The following WSB1 variants were observed in gnomAD, a reference collection of about 807,000 sequenced individuals.
The protein encoded by WSB1 is WD repeat and SOCS box-containing protein 1.
WSB1 carries 23 observed loss-of-function variants against 50.2 expected under a neutral mutation model. The observed-to-expected ratio is 0.46, with a 90% CI of 0.33 to 0.65. WSB1 has a LOEUF of 0.65. WSB1 is among the 30% of genes least tolerant of loss of function. The pLI is 0.02. For synonymous variants in WSB1, 179 were observed against 172.0 expected (o/e 1.04, Z -0.32); for missense variants, 492 against 522.3 (o/e 0.94, Z 0.56).
rs113920041 is a variant in WSB1 at position 27,312,642 on chromosome 17, A to G, written c.*273A>G. The G allele has an allele frequency of 3.1e-6, 1 of 322,810 alleles. No homozygotes were observed. Among genetic ancestry groups the G allele is most frequent in the Non-Finnish European group, 5.6e-6 (1 of 178,878 alleles). The allele number at this position is 322,810 out of a possible 1,614,324, so 20.0% of individuals were successfully genotyped here. A position where few individuals can be genotyped will look rare whatever the true frequency, so the allele number is the denominator to read the frequency against. On this transcript the variant is annotated 3_prime_UTR_variant, in exon 9 of 9. Coordinates refer to ENST00000262394, the MANE Select transcript of WSB1 (RefSeq NM_015626.10). ...TTAGATATAAGCTGCTATATGTTGA[A>G]TGGACCCTTTTGCTTTTCTGATTTT...
At chr17:27,295,787 T>A (rs922222079) in intron 1 of WSB1, among the ~76,000 whole-genome samples, 1 of 152,146 alleles carries the variant, frequency 6.6e-6, no homozygotes, top group African/African-American at 2.4e-5. Context: ...ATCTGTATTT[T>A]ACTTCATCCT....
chr17:27,300,922 G>A (rs983472499), intron 1 of WSB1, among the ~76,000 whole-genome samples: 12 of 150,882 alleles, frequency 8.0e-5, no homozygotes, highest in African/African-American at 2.4e-4. Flanking sequence ...TCACTCTGTC[G>A]CCCAGGCTGG....
At chr17:27,300,079 G>A (rs974514778) in intron 1 of WSB1, among the ~76,000 whole-genome samples, 6 of 145,352 alleles carry the variant, frequency 4.1e-5, no homozygotes, top group African/African-American at 1.3e-4. Context: ...TATTCATTCC[G>A]TAAATATTTA....
intron 1 of WSB1, 90 bp from the exon 2 acceptor site, chr17:27,301,698 G>A (rs981102539): frequency 5.7e-6 from 8 of 1,408,112 alleles, no homozygotes; most frequent in Middle Eastern, 2.0e-4. Context: ...ATAGAAGAGG[G>A]AAGAAACTCA....
In WSB1 at chr17:27,311,498, T is replaced by C. The variant is rs1313957912; in HGVS notation, c.999-11T>C. On this transcript the variant is annotated splice_polypyrimidine_tract_variant and intron_variant, in intron 7 of 8. Coordinates refer to ENST00000262394, the MANE Select transcript of WSB1 (RefSeq NM_015626.10). Reference sequence around the variant, plus strand: ...TTCTACAAGATACTAAATAATTTATTTCATTTTCAGAATGGTGAGGTTCTG... The same window carrying C: ...TTCTACAAGATACTAAATAATTTATCTCATTTTCAGAATGGTGAGGTTCTG... The C allele has an allele frequency of 6.3e-7, 1 of 1,575,828 alleles. No individual in the cohort carries two copies. The highest frequency in any genetic ancestry group is 8.6e-7 in the Non-Finnish European group (1 of 1,168,012).
chr17:27,308,938 C>A, intron 5 of WSB1, 162 bp from the exon 6 acceptor site: 1 of 1,233,520 alleles, frequency 8.1e-7, no homozygotes, highest in Admixed American at 3.9e-5. Context: ...AACTTAAAGA[C>A]TGATTTTAAT....
Position 27,294,373 on chromosome 17 carries a change from C to T in WSB1, c.-23C>T. The T allele has an allele frequency of 6.2e-7, 1 of 1,612,426 alleles. No homozygotes were observed. On this transcript the variant is annotated 5_prime_UTR_variant, in exon 1 of 9. Transcript: ENST00000262394. ...TGTTGTTGGGTCCGCATCGTATTCC[C>T]GGAATCAGACGGTGCCCCATAGATG... is the stretch of plus-strand genomic sequence containing the variant.
In WSB1 at chr17:27,310,071, C is replaced by T. The variant is rs2017615729; in HGVS notation, c.895C>T (p.Pro299Ser). ...DILMEFGHLF[P>S]PPTPIFAGGA... is the part of the protein sequence containing the mutation. ...TATATTTGACCTCAGGCACCTGTTT[C>T]CCCCACCTACTCCAATATTTGCTGG... The change falls in exon 7 of 9, where the codon CCC becomes TCC. Residue 299 changes from proline (P) to serine (S), a missense_variant. Physicochemically the swap from Pro to Ser is moderately conservative, Grantham distance 74. Coordinates refer to ENST00000262394, the MANE Select transcript of WSB1 (RefSeq NM_015626.10). 1.2e-6 allele frequency: 2 copies of T among 1,613,878 alleles called. No homozygotes were observed. The highest frequency in any genetic ancestry group is 2.2e-5 in the East Asian group (1 of 44,886).
intron 4 of WSB1, among the ~76,000 whole-genome samples, chr17:27,305,635 A>G (rs1323835659): frequency 6.6e-6 from 1 of 152,184 alleles, no homozygotes; most frequent in Non-Finnish European, 1.5e-5. Flanking sequence ...TAGGGGTAAT[A>G]AAGCTTAAAT....
chr17:27,303,807 A>G, intron 3 of WSB1, 172 bp downstream of exon 3: 1 of 775,266 alleles, frequency 1.3e-6, no homozygotes, highest in Non-Finnish European at 2.0e-6. Context: ...CATGATTTTA[A>G]TTTAGGAAAA....
intron 7 of WSB1, among the ~76,000 whole-genome samples, chr17:27,310,984 C>G (rs977149119): frequency 6.6e-6 from 1 of 151,972 alleles, no homozygotes; most frequent in Non-Finnish European, 1.5e-5. Context: ...TATCTCACAC[C>G]ACAGGGGTAT....
chr17:27,308,588 C>G, intron 5 of WSB1: 1 of 985,870 alleles, frequency 1.0e-6, no homozygotes, highest in Non-Finnish European at 1.2e-6. Flanking sequence ...CTTGCAGTAT[C>G]TGTTTCTCTT....
In WSB1 at chr17:27,307,185, T is replaced by C. The variant is rs572595061; in HGVS notation, c.711+303T>C. The C allele has an allele frequency of 8.0e-4, 206 of 258,224 alleles. 1 individual carries two copies. Among genetic ancestry groups the C allele is most frequent in the South Asian group, 5.1e-3 (62 of 12,046 alleles). 16.0% of individuals were successfully genotyped at this position (258,224 alleles called of 1,614,324 possible). On this transcript the variant is annotated intron_variant, in intron 5 of 8. Coordinates refer to ENST00000262394, the MANE Select transcript of WSB1 (RefSeq NM_015626.10). ...AGATCTAGTCTATATGTTAAGACAT[T>C]CCCTTGCTAATTATTTTCTTCTCTG...
intron 1 of WSB1, among the ~76,000 whole-genome samples, chr17:27,298,154 C>T (rs543932099): frequency 9.0e-5 from 13 of 144,378 alleles, no homozygotes; most frequent in Non-Finnish European, 1.8e-4. Context: ...AAAAAAGTCA[C>T]GTATGAAAAA....
intron 1 of WSB1, among the ~76,000 whole-genome samples, chr17:27,294,681 C>G (rs886457906): frequency 3.3e-5 from 5 of 152,150 alleles, no homozygotes; most frequent in African/African-American, 7.2e-5. Context: ...GCAAGGACCC[C>G]GGTTTCTTCG....
rs746936448 is a variant in WSB1 at position 27,294,374 on chromosome 17, G to A, written c.-22G>A. The A allele has an allele frequency of 1.2e-6, 2 of 1,612,674 alleles. No individual in the cohort carries two copies. Among genetic ancestry groups the A allele is most frequent in the South Asian group, 2.2e-5 (2 of 90,924 alleles). ...GTTGTTGGGTCCGCATCGTATTCCC[G>A]GAATCAGACGGTGCCCCATAGATGG... is the stretch of plus-strand genomic sequence containing the variant. On this transcript the variant is annotated 5_prime_UTR_variant, in exon 1 of 9. Transcript: ENST00000262394.
At chr17:27,301,737 C>A in intron 1 of WSB1, 51 bp from the exon 2 acceptor site, 2 of 1,581,908 alleles carry the variant, frequency 1.3e-6, no homozygotes, top group East Asian at 2.2e-5. Context: ...AGCAGTCTCA[C>A]ATGTATTGTT....
In WSB1 at chr17:27,310,152, G is replaced by T. The variant is rs1214374917; in HGVS notation, c.976G>T (p.Val326Phe). 6.2e-7 allele frequency: 1 copy of T among 1,613,988 alleles called. No homozygotes were observed. The highest frequency in any genetic ancestry group is 8.5e-7 in the Non-Finnish European group (1 of 1,179,888). ...ATCTTTTAGCCATGATGGACTGCAT[G>T]TTGCAAGCCTTGCTGATGATAAGTA... is the stretch of plus-strand genomic sequence containing the variant. ...SVSFSHDGLH[V>F]ASLADDKMVR... Residue 326 changes from valine (V) to phenylalanine (F), a missense_variant, in exon 7 of 9, where the codon GTT (valine) becomes TTT (phenylalanine). By Grantham distance (50) the Val-to-Phe change is conservative. Transcript: ENST00000262394.
At chr17:27,303,206 C>G (rs1251393048) in intron 2 of WSB1, 161 bp from the exon 3 acceptor site, 4 of 770,590 alleles carry the variant, frequency 5.2e-6, no homozygotes, top group East Asian at 2.7e-5. Context: ...TCTCGTAGTT[C>G]AAATATCAAC....
Sources: gnomAD v4.1 joint callset for allele counts (sites outside exome capture counted in the v4.1 genomes callset) on GRCh38, gnomAD v4.1.1 for gene constraint, MANE v1.5 for transcripts, NCBI Gene and HGNC (gene_info 2026-07-23, HGNC 2026-07-21) for gene names.